Variants in KATNIP observed in about 807,000 individuals in gnomAD.
The protein encoded by KATNIP is katanin interacting protein.
A neutral mutation model predicts 174.0 loss-of-function variants in KATNIP; 126 were observed. The observed-to-expected ratio is 0.72, with a 90% confidence interval of 0.63 to 0.84. The LOEUF (loss-of-function observed/expected upper bound fraction) is 0.84, where lower values mean the gene tolerates loss of function less well. Ranked by LOEUF, KATNIP falls within the 40% of genes least tolerant of loss-of-function variation. The pLI is 0.00. For missense variants in KATNIP, 1,958 were observed against 2,109.7 expected (o/e 0.93, Z 1.41); for synonymous variants, 810 against 835.7 (o/e 0.97, Z 0.53).
chr16:27,708,484 C>T, intron 12 of KATNIP: 2 of 484,900 alleles, frequency 4.1e-6, no homozygotes, highest in South Asian at 4.2e-5. Flanking sequence ...CACAGAGTGC[C>T]AGTTACACAG....
intron 18 of KATNIP, among the ~76,000 whole-genome samples, chr16:27,760,754 G>A (rs1300942990): frequency 6.6e-6 from 1 of 152,210 alleles, no homozygotes; most frequent in African/African-American, 2.4e-5. Flanking sequence ...CATCTGGCGG[G>A]GCAAGTGGGT....
chr16:27,550,199 C>G, intron 1 of KATNIP, 22 bp downstream of exon 1: 1 of 1,606,928 alleles, frequency 6.2e-7, no homozygotes. Context: ...TGGGCCCCTC[C>G]GGGAGGTCGG....
chr16:27,550,501 C>T (rs936775319), intron 1 of KATNIP, among the ~76,000 whole-genome samples: 7 of 151,914 alleles, frequency 4.6e-5, no homozygotes, highest in African/African-American at 1.7e-4. Context: ...GTGGAACTGT[C>T]GGATTTGGGA....
chr16:27,595,186 A>G (rs1159792637), intron 2 of KATNIP, among the ~76,000 whole-genome samples: 1 of 152,206 alleles, frequency 6.6e-6, no homozygotes, highest in African/African-American at 2.4e-5. Context: ...GGAGTTCGAG[A>G]TCAGCCTGGG....
intron 14 of KATNIP, among the ~76,000 whole-genome samples, chr16:27,723,521 C>G (rs2080321930): frequency 6.6e-6 from 1 of 152,018 alleles, no homozygotes; most frequent in African/African-American, 2.4e-5. Context: ...TGAACATGTT[C>G]CACCATCTCC....
rs781062461 is a variant in KATNIP at position 27,740,195 on chromosome 16, T to C, written c.1898T>C (p.Met633Thr). Residue 633 changes from methionine to threonine, a missense_variant, in exon 15 of 28, where the codon ATG becomes ACG. Transcript: ENST00000261588. ...NEKSEQLEEAMNAHSEESKGT... is the reference protein window; with the variant it reads ...NEKSEQLEEATNAHSEESKGT... ...AAGAGCGAGCAACTAGAGGAGGCCA[T>C]GAACGCTCACTCGGAAGAAAGCAAA... is the stretch of plus-strand genomic sequence containing the variant. 1.2e-6 allele frequency: 2 copies of C among 1,614,048 alleles called. No homozygotes were observed. Among genetic ancestry groups the C allele is most frequent in the South Asian group, 1.1e-5 (1 of 91,076 alleles).
At chr16:27,741,364 G>A (rs1239490322) in intron 15 of KATNIP, among the ~76,000 whole-genome samples, 1 of 152,102 alleles carries the variant, frequency 6.6e-6, no homozygotes, top group Non-Finnish European at 1.5e-5. Flanking sequence ...CTTGAGCCAA[G>A]GAGGTCGAGG....
chr16:27,756,748 C>T (rs1395396636), intron 18 of KATNIP, among the ~76,000 whole-genome samples: 1 of 151,702 alleles, frequency 6.6e-6, no homozygotes, highest in Non-Finnish European at 1.5e-5. Context: ...AAGCTGAGTT[C>T]AGCAAAAAAG....
At chr16:27,739,366 C>T (rs72788572) in intron 14 of KATNIP, among the ~76,000 whole-genome samples, 2 of 152,232 alleles carry the variant, frequency 1.3e-5, no homozygotes, top group Non-Finnish European at 2.9e-5. Context: ...AGAGGGCCCC[C>T]GTGGGAAGGA....
At chr16:27,556,954 C>T (rs1001784016) in intron 1 of KATNIP, among the ~76,000 whole-genome samples, 3 of 152,070 alleles carry the variant, frequency 2.0e-5, no homozygotes, top group Non-Finnish European at 1.5e-5. Flanking sequence ...CCTCCTGTCA[C>T]TTTAACTTAT....
chr16:27,766,400 C>T lies in KATNIP; in HGVS notation c.3901C>T (p.Leu1301=). ...PGLDHVVTIR[L]DRAESIAGLR... is the part of the protein sequence containing the mutation. Reference sequence around the variant, plus strand: ...GCTGGACCATGTGGTCACGATCCGCCTGGACAGGGCCGAAAGCATCGCAGG... The same window carrying T: ...GCTGGACCATGTGGTCACGATCCGCTTGGACAGGGCCGAAAGCATCGCAGG... The change falls in exon 20 of 28, where the codon CTG becomes TTG. Residue 1301 remains leucine, a synonymous_variant. Transcript: ENST00000261588. 1 of 1,614,192 alleles carries T rather than the reference C, an allele frequency of 6.2e-7. No individual in the cohort carries two copies. Among genetic ancestry groups the T allele is most frequent in the Non-Finnish European group, 8.5e-7 (1 of 1,180,034 alleles).
rs1258994702 is a variant in KATNIP, at chr16:27,778,773, G to A, written c.*144G>A. 11 of 700,112 alleles carry A rather than the reference G, an allele frequency of 1.6e-5. No individual in the cohort carries two copies. The highest frequency in any genetic ancestry group is 2.8e-5 in the Admixed American group (1 of 36,196). The allele number at this position is 700,112 out of a possible 1,614,324, so 43.4% of individuals were successfully genotyped here. On this transcript the variant is annotated 3_prime_UTR_variant, in exon 28 of 28. Transcript: ENST00000261588. Reference sequence around the variant, plus strand: ...GGAGCCCGCTGGGAAGAGGGGACTCGGGAGGACAGCCCTGGATACTACCAG... The same window carrying A: ...GGAGCCCGCTGGGAAGAGGGGACTCAGGAGGACAGCCCTGGATACTACCAG...
chr16:27,652,882 G>A (rs1466471830), intron 6 of KATNIP, among the ~76,000 whole-genome samples: 1 of 151,624 alleles, frequency 6.6e-6, no homozygotes, highest in East Asian at 1.9e-4. Context: ...AAAAAATTAT[G>A]ATACTTATTT....
intron 2 of KATNIP, among the ~76,000 whole-genome samples, chr16:27,607,122 G>A (rs1002764045): frequency 1.3e-5 from 2 of 152,084 alleles, no homozygotes; most frequent in Admixed American, 6.6e-5. Context: ...TGCACTGGCC[G>A]GGCCTGCAGT....
intron 6 of KATNIP, among the ~76,000 whole-genome samples, chr16:27,676,355 C>G (rs2078114780): frequency 6.6e-6 from 1 of 152,140 alleles, no homozygotes; most frequent in African/African-American, 2.4e-5. Flanking sequence ...ACCAGTGGTG[C>G]CTGTAACATC....
At chr16:27,769,334 C>T (rs2082221342) in intron 20 of KATNIP, among the ~76,000 whole-genome samples, 1 of 152,196 alleles carries the variant, frequency 6.6e-6, no homozygotes, top group South Asian at 2.1e-4. Context: ...GGAGAGCTCC[C>T]AGAGGGGTAT....
At chr16:27,668,982 G>T (rs1438969400) in intron 6 of KATNIP, among the ~76,000 whole-genome samples, 1 of 152,044 alleles carries the variant, frequency 6.6e-6, no homozygotes, top group African/African-American at 2.4e-5. Context: ...CTGCAGCCTG[G>T]GTGACAGAGC....
At chr16:27,657,374 C>T (rs758723181) in intron 6 of KATNIP, among the ~76,000 whole-genome samples, 1 of 151,992 alleles carries the variant, frequency 6.6e-6, no homozygotes, top group Non-Finnish European at 1.5e-5. Context: ...ATAGAAAAAG[C>T]TAGCACATTA....
At chr16:27,601,207 G>A (rs977351171) in intron 2 of KATNIP, among the ~76,000 whole-genome samples, 5 of 152,024 alleles carry the variant, frequency 3.3e-5, no homozygotes, top group Admixed American at 6.6e-5. Context: ...TACATGCCAG[G>A]AACTGGGAGA....
Sources: allele counts gnomAD v4.1 joint callset (sites outside exome capture counted in the v4.1 genomes callset), GRCh38; gene constraint gnomAD v4.1.1; transcripts MANE v1.5; gene names NCBI Gene and HGNC (gene_info 2026-07-23, HGNC 2026-07-21).